The following MED27 variants were observed in gnomAD, a reference collection of about 807,000 sequenced individuals.
The protein encoded by MED27 is mediator complex subunit 27.
Under a neutral mutation model 38.2 loss-of-function variants are expected in MED27, and 30 were observed. The observed-to-expected ratio is 0.79, with a 90% confidence interval of 0.59 to 1.07. The LOEUF is 1.07. MED27 is among the 50% of genes least tolerant of loss of function. The pLI is 0.00. For synonymous variants in MED27, 122 were observed against 153.5 expected, an observed-to-expected ratio of 0.79 and a Z score of 1.52; for missense variants, 289 against 397.5, an observed-to-expected ratio of 0.73 and a Z score of 2.32.
intron 6 of MED27, among the ~76,000 whole-genome samples, chr9:131,880,325 TGGAAGACATTTTAGTTAG>T (rs1204589792): frequency 6.6e-6 from 1 of 152,202 alleles, no homozygotes; most frequent in African/African-American, 2.4e-5. Flanking sequence ...TGACAGCAAA[TGGAAGACATTTTAGTTAG>T]GAAGAGAGAG....
chr9:132,029,180 T>A (rs147546568), intron 2 of MED27, among the ~76,000 whole-genome samples: 20 of 152,294 alleles, frequency 1.3e-4, no homozygotes, highest in African/African-American at 4.6e-4. Context: ...GGGAGCAGGA[T>A]AGGAACAAAT....
rs990056656 is a variant in MED27, at chr9:131,872,251, C to T, written c.724-9111G>A. 1.3e-5 allele frequency among the ~76,000 whole-genome samples: 2 copies of T among 152,050 alleles called. No homozygotes were observed. Among genetic ancestry groups the T allele is most frequent in the African/African-American group, 4.8e-5 (2 of 41,394 alleles). On this transcript the variant is annotated intron_variant, in intron 6 of 7. Coordinates refer to ENST00000292035, the MANE Select transcript of MED27 (RefSeq NM_004269.4). The surrounding 1 kb of genome is among the most constrained non-coding windows in gnomAD (Gnocchi z 5.6). ...CACCACCAGGGGACAGGACTGTGGC[C>T]GAGCAGCGCCTGGGGGAGCTGAGCT...
Position 131,982,797 on chromosome 9 carries a change from A to C in MED27, c.479+31540T>G, listed in dbSNP as rs73555313. ...CAATGCCTGACCTCTGTGCATCTCC[A>C]ACTGTAGTACAAAAGCAGCCATATG... On this transcript the variant is annotated intron_variant, in intron 3 of 7. Transcript: ENST00000292035. The surrounding 1 kb of genome is among the most constrained non-coding windows in gnomAD (Gnocchi z 4.3). 1.7e-3 allele frequency among the ~76,000 whole-genome samples: 263 copies of C among 152,306 alleles called. 1 individual carries two copies. The highest frequency in any genetic ancestry group is 6.1e-3 in the African/African-American group (255 of 41,558).
chr9:132,019,614 CT>C, intron 2 of MED27, among the ~76,000 whole-genome samples: 1 of 152,346 alleles, frequency 6.6e-6, no homozygotes, highest in South Asian at 2.1e-4. Flanking sequence ...ATCTTCCCCC[CT>C]ACCCACAACC....
At chr9:131,966,371 C>A (rs1215506235) in intron 3 of MED27, among the ~76,000 whole-genome samples, 5 of 16,648 alleles carry the variant, frequency 3.0e-4, no homozygotes, top group Non-Finnish European at 3.1e-4. Context: ...GCAAAAGAGC[C>A]AGACCCTGTC....
intron 2 of MED27, among the ~76,000 whole-genome samples, chr9:132,073,152 CA>C (rs942526920): frequency 6.6e-6 from 1 of 152,056 alleles, no homozygotes; most frequent in Non-Finnish European, 1.5e-5. Context: ...ATCATTGGTT[CA>C]CCCAATGACC....
intron 3 of MED27, among the ~76,000 whole-genome samples, chr9:131,979,477 C>G (rs1237646644): frequency 1.1e-5 from 1 of 87,154 alleles, no homozygotes; most frequent in Non-Finnish European, 2.2e-5. Flanking sequence ...ATATTAAAAG[C>G]TGTTCCAAAA....
chr9:131,873,386 G>A (rs1838869468), intron 6 of MED27, among the ~76,000 whole-genome samples: 2 of 152,218 alleles, frequency 1.3e-5, no homozygotes. Flanking sequence ...AGTGATGTTA[G>A]GGGGCGATGG....
chr9:131,888,438 C>T (rs536186551), intron 5 of MED27, among the ~76,000 whole-genome samples: 20 of 152,312 alleles, frequency 1.3e-4, no homozygotes, highest in East Asian at 5.8e-4. Context: ...GCCGGGGCTG[C>T]GCGCTCCCTA....
chr9:131,862,523 C>T lies in MED27; in HGVS notation c.801+540G>A, dbSNP rs573899673. 2.0e-5 allele frequency among the ~76,000 whole-genome samples: 3 copies of T among 152,248 alleles called. No homozygotes were observed. Among genetic ancestry groups the T allele is most frequent in the Non-Finnish European group, 2.9e-5 (2 of 68,018 alleles). On this transcript the variant is annotated intron_variant, in intron 7 of 7. Coordinates refer to ENST00000292035, the MANE Select transcript of MED27 (RefSeq NM_004269.4). This position sits in a 1 kb window ranked among gnomAD's most constrained non-coding sequence, Gnocchi z 4.6. ...CTGACTTGCAGTGTTTGCCGATTTC[C>T]GTGGTGTCAACACTCCCACCAAGTT... is the stretch of plus-strand genomic sequence containing the variant.
At chr9:131,964,346 G>GCTGGT (rs1831291604) in intron 3 of MED27, among the ~76,000 whole-genome samples, 1 of 12,976 alleles carries the variant, frequency 7.7e-5, no homozygotes, top group Non-Finnish European at 1.8e-4. Context: ...TGGTGGTGGT[G>GCTGGT]GAGGTGATGG....
intron 4 of MED27, among the ~76,000 whole-genome samples, chr9:131,904,389 T>A (rs11789924): frequency 0.043 from 6,601 of 152,062 alleles, 212 homozygotes; most frequent in Non-Finnish European, 0.057. Flanking sequence ...ATAAGACGTG[T>A]TTTATTTTTA....
chr9:131,954,836 G>A (rs1831065158), intron 3 of MED27, among the ~76,000 whole-genome samples: 1 of 152,130 alleles, frequency 6.6e-6, no homozygotes, highest in Admixed American at 6.5e-5. Context: ...TTAGAAGGAT[G>A]AGCTCATCCA....
At chr9:131,869,508 C>G in intron 6 of MED27, 1 of 776,922 alleles carries the variant, frequency 1.3e-6, no homozygotes, top group African/African-American at 1.9e-5. Context: ...AAGCCGCCCT[C>G]CCCCTTGGCG....
At chr9:131,908,443 A>T (rs1049960601) in intron 4 of MED27, among the ~76,000 whole-genome samples, 3 of 152,238 alleles carry the variant, frequency 2.0e-5, no homozygotes, top group Admixed American at 2.0e-4. Context: ...AAGCGGGGAA[A>T]GGTGGGGAAA....
chr9:131,908,293 G>A (rs759426801), intron 4 of MED27, among the ~76,000 whole-genome samples: 1 of 151,434 alleles, frequency 6.6e-6, no homozygotes, highest in East Asian at 2.0e-4. Flanking sequence ...CCCCGTCCGG[G>A]AGGTGAGGGG....
intron 3 of MED27, among the ~76,000 whole-genome samples, chr9:131,999,390 G>T (rs1832170377): frequency 6.6e-6 from 1 of 152,176 alleles, no homozygotes; most frequent in Admixed American, 6.5e-5. Context: ...TGAGACCCAA[G>T]TCTGGAAAAG....
chr9:131,900,107 AG>A (rs745423169), intron 4 of MED27, among the ~76,000 whole-genome samples: 3 of 152,338 alleles, frequency 2.0e-5, no homozygotes, highest in East Asian at 3.9e-4. Context: ...GTAGAGAGTC[AG>A]GGGAGGCACT....
intron 3 of MED27, among the ~76,000 whole-genome samples, chr9:131,985,694 AT>A (rs1168088410): frequency 2.0e-5 from 3 of 150,888 alleles, no homozygotes; most frequent in Non-Finnish European, 2.9e-5. Context: ...TATAATTTTA[AT>A]TGTTTTTTTT....
Sources: gnomAD v4.1 joint callset for allele counts (sites outside exome capture counted in the v4.1 genomes callset) on GRCh38, gnomAD v4.1.1 for gene constraint, Gnocchi (gnomAD v3.1) non-coding constraint, MANE v1.5 for transcripts, NCBI Gene and HGNC (gene_info 2026-07-23, HGNC 2026-07-21) for gene names.